Variants in TMEM207 observed in about 807,000 individuals in gnomAD.
The protein encoded by TMEM207 is SRSR846.
In TMEM207, 15 loss-of-function variants were observed where a neutral mutation model predicts 17.4. That is an observed-to-expected ratio of 0.86 (90% confidence interval 0.58 to 1.33). The LOEUF (loss-of-function observed/expected upper bound fraction) is 1.33. Among genes scored for constraint, TMEM207 ranks in the 40% most tolerant of loss-of-function variants. The pLI is 0.00. For synonymous variants in TMEM207, 70 were observed against 65.6 expected (o/e 1.07, Z -0.33); for missense variants, 205 against 173.8 (o/e 1.18, Z -1.01).
intron 2 of TMEM207, among the ~76,000 whole-genome samples, chr3:190,447,305 C>A (rs1029194767): frequency 6.6e-6 from 1 of 152,120 alleles, no homozygotes; most frequent in Non-Finnish European, 1.5e-5. Flanking sequence ...GTCTATCGCA[C>A]AAAAAGTGAA....
chr3:190,437,661 T>A (rs1045655217), intron 4 of TMEM207, among the ~76,000 whole-genome samples: 2 of 152,058 alleles, frequency 1.3e-5, no homozygotes, highest in South Asian at 4.2e-4. Flanking sequence ...GACTGTAAAC[T>A]AGTTCAACCA....
chr3:190,447,930 G>T, intron 1 of TMEM207, 103 bp from the exon 2 acceptor site: 2 of 1,133,950 alleles, frequency 1.8e-6, no homozygotes, highest in South Asian at 1.7e-5. Context: ...CATTTCGTTT[G>T]CTTTTTTAAT....
intron 2 of TMEM207, among the ~76,000 whole-genome samples, chr3:190,446,952 AAATAGC>A (rs1436068577): frequency 6.6e-6 from 1 of 152,224 alleles, no homozygotes; most frequent in Non-Finnish European, 1.5e-5. Context: ...TAACGTAAAG[AAATAGC>A]AATCGAGAGC....
intron 4 of TMEM207, among the ~76,000 whole-genome samples, chr3:190,435,082 GC>G (rs1719771952): frequency 6.6e-6 from 1 of 151,954 alleles, no homozygotes; most frequent in East Asian, 1.9e-4. Context: ...TTCTCTGACA[GC>G]CCCTCTTCTT....
At chr3:190,447,288 C>T (rs1720071789) in intron 2 of TMEM207, among the ~76,000 whole-genome samples, 2 of 152,078 alleles carry the variant, frequency 1.3e-5, no homozygotes, top group Admixed American at 6.6e-5. Flanking sequence ...ATTCTGAGAA[C>T]CATTAAGTCT....
In TMEM207 at chr3:190,440,405, A is replaced by G. The variant is rs1012842058; in HGVS notation, c.159-16T>C. Reference sequence around the variant, plus strand: ...CAGGAGGATCCTGACTCCAAAAGTAACCGAGAAAAGAATGAGGTAGAGTAT... The same window carrying G: ...CAGGAGGATCCTGACTCCAAAAGTAGCCGAGAAAAGAATGAGGTAGAGTAT... On this transcript the variant is annotated splice_polypyrimidine_tract_variant and intron_variant, in intron 3 of 4. Coordinates refer to ENST00000354905, the MANE Select transcript of TMEM207 (RefSeq NM_207316.3). The G allele has an allele frequency of 1.2e-6, 2 of 1,602,978 alleles. No individual in the cohort carries two copies. The highest frequency in any genetic ancestry group is 1.7e-6 in the Non-Finnish European group (2 of 1,176,058).
At position 190,440,271 on chromosome 3, in the gene TMEM207, C is replaced by G; in HGVS notation, c.277G>C (p.Ala93Pro). 1 of 1,613,916 alleles carries G rather than the reference C, an allele frequency of 6.2e-7. No individual in the cohort carries two copies. Among genetic ancestry groups the G allele is most frequent in the Admixed American group, 1.7e-5 (1 of 59,982 alleles). Reference protein sequence around the residue: ...DSHRRTMAVFAVGDLDSIYGT... With the variant: ...DSHRRTMAVFPVGDLDSIYGT... ...TAAATAGAGTCCAAGTCTCCAACAG[C>G]AAAAACTGCCATGGTGCGCCTGTGA... The change falls in exon 4 of 5, where the codon GCT (alanine) becomes CCT (proline). Residue 93 changes from alanine to proline, a missense_variant. Ala to Pro is a conservative substitution (Grantham distance 27). Coordinates refer to ENST00000354905, the MANE Select transcript of TMEM207 (RefSeq NM_207316.3).
Position 190,440,306 on chromosome 3 carries a change from C to T in TMEM207, c.242G>A (p.Arg81Gln), listed in dbSNP as rs374274239. ...CATGGTGCGCCTGTGAGAATCAATT[C>T]GGGGTCTCCTCAGCCAGCACTGGAG... Reference protein sequence around the residue: ...LCLQCWLRRPRIDSHRRTMAV... With the variant: ...LCLQCWLRRPQIDSHRRTMAV... The change falls in exon 4 of 5, where the codon CGA becomes CAA. Residue 81 changes from arginine to glutamine, a missense_variant. Arg to Gln is a conservative substitution (Grantham distance 43). Transcript: ENST00000354905. 31 of 1,613,960 alleles carry T rather than the reference C, an allele frequency of 1.9e-5. No individual in the cohort carries two copies. Among genetic ancestry groups the T allele is most frequent in the African/African-American group, 8.0e-5 (6 of 74,894 alleles).
At chr3:190,430,161 T>C (rs1719660622) in intron 4 of TMEM207, among the ~76,000 whole-genome samples, 1 of 152,168 alleles carries the variant, frequency 6.6e-6, no homozygotes, top group South Asian at 2.1e-4. Flanking sequence ...CTTCAACTAA[T>C]ATAAATAATT....
rs1349610442 is a variant in TMEM207, at chr3:190,447,801, T to C, written c.102A>G (p.Glu34=). The C allele has an allele frequency of 6.2e-7, 1 of 1,612,048 alleles. No individual in the cohort carries two copies. Among genetic ancestry groups the C allele is most frequent in the Admixed American group, 1.7e-5 (1 of 59,690 alleles). ...CGCTGTTTACTTACATTTCATCTTCTTCGCATGGTAGGTCCGAGAGCACCA... is the reference window on the plus strand; with the variant it reads ...CGCTGTTTACTTACATTTCATCTTCCTCGCATGGTAGGTCCGAGAGCACCA... ...FQLVLSDLPC[E]EDEMCVNYND... Residue 34 remains glutamate, a synonymous_variant, in exon 2 of 5, where the codon GAA becomes GAG. Coordinates refer to ENST00000354905, the MANE Select transcript of TMEM207 (RefSeq NM_207316.3).
intron 1 of TMEM207, among the ~76,000 whole-genome samples, chr3:190,449,400 A>G (rs1328250276): frequency 6.6e-6 from 1 of 152,208 alleles, no homozygotes; most frequent in African/African-American, 2.4e-5. Flanking sequence ...CATGTCTTAA[A>G]TTAATCTAGC....
At position 190,429,536 on chromosome 3, in the gene TMEM207, T is replaced by C. The variant is rs78558252; in HGVS notation, c.*59A>G. 7.2e-4 allele frequency: 1,146 copies of C among 1,584,586 alleles called. 12 individuals carry two copies. The East Asian group carries it at 0.022, about 31-fold the overall frequency. ...ACAACTGAAATAACTATTCCTAAAT[T>C]TGATGTTTTGGAATTACAGATGTCG... On this transcript the variant is annotated 3_prime_UTR_variant, in exon 5 of 5. Transcript: ENST00000354905.
chr3:190,435,985 G>T (rs1458913374), intron 4 of TMEM207, among the ~76,000 whole-genome samples: 1 of 152,150 alleles, frequency 6.6e-6, no homozygotes. Context: ...CTGATTGAAA[G>T]AAATTCTCTA....
At position 190,444,658 on chromosome 3, in the gene TMEM207, A is replaced by G. The variant is rs948074637; in HGVS notation, c.113+3132T>C. Among the ~76,000 whole-genome samples, 18 of 152,312 alleles carry G rather than the reference A, an allele frequency of 1.2e-4. 1 individual carries two copies. Among genetic ancestry groups the G allele is most frequent in the Non-Finnish European group, 1.6e-4 (11 of 68,020 alleles). On this transcript the variant is annotated intron_variant, in intron 2 of 4. Coordinates refer to ENST00000354905, the MANE Select transcript of TMEM207 (RefSeq NM_207316.3). ...CTTAAGCTTCCTAGCAGCTAGCATAATGAGAGAGAATATTGGTTATATAGT... is the reference window on the plus strand; with the variant it reads ...CTTAAGCTTCCTAGCAGCTAGCATAGTGAGAGAGAATATTGGTTATATAGT...
At chr3:190,444,530 G>C in intron 2 of TMEM207, 83 of 816,406 alleles carry the variant, frequency 1.0e-4, no homozygotes, top group South Asian at 2.2e-4. Flanking sequence ...AGAAATGAGA[G>C]CCTGGTGAGG....
intron 2 of TMEM207, among the ~76,000 whole-genome samples, chr3:190,442,491 G>A (rs1719956310): frequency 6.6e-6 from 1 of 152,170 alleles, no homozygotes; most frequent in African/African-American, 2.4e-5. Flanking sequence ...TAACATATGT[G>A]AAGTGTCAAT....
In TMEM207 at chr3:190,429,001, C is replaced by T. The variant is rs948741813; in HGVS notation, c.*594G>A. On this transcript the variant is annotated 3_prime_UTR_variant, in exon 5 of 5. Coordinates refer to ENST00000354905, the MANE Select transcript of TMEM207 (RefSeq NM_207316.3). ...AGCAATCTCCTTCACCTTCTATCTA[C>T]AATTTCTTCCTCTTCAGGTTGGGGC... The T allele has an allele frequency of 5.3e-5, 8 of 151,676 alleles. No individual in the cohort carries two copies. Among genetic ancestry groups the T allele is most frequent in the African/African-American group, 2.0e-4 (8 of 40,980 alleles). 9.4% of individuals were successfully genotyped at this position (151,676 alleles called of 1,614,324 possible).
intron 2 of TMEM207, chr3:190,444,354 C>A (rs1719999781): frequency 1.1e-6 from 1 of 940,412 alleles, no homozygotes; most frequent in Non-Finnish European, 1.3e-6. Flanking sequence ...AACCCAAATG[C>A]TCTGTCTGCA....
chr3:190,432,670 G>C (rs1414676593), intron 4 of TMEM207, among the ~76,000 whole-genome samples: 1 of 152,290 alleles, frequency 6.6e-6, no homozygotes, highest in Non-Finnish European at 1.5e-5. Context: ...GGAGGGAGAA[G>C]AGAGCAGAGC....
Sources: gnomAD v4.1 joint callset for allele counts (sites outside exome capture counted in the v4.1 genomes callset) on GRCh38, gnomAD v4.1.1 for gene constraint, MANE v1.5 for transcripts, NCBI Gene and HGNC (gene_info 2026-07-23, HGNC 2026-07-21) for gene names.